Variants in SLCO5A1 observed in about 807,000 individuals in gnomAD.
The protein encoded by SLCO5A1 is organic anion transporter polypeptide-related protein 4.
In SLCO5A1, 39 loss-of-function variants were observed where a neutral mutation model predicts 65.1. That is an observed-to-expected ratio of 0.60 (90% confidence interval 0.46 to 0.78). The LOEUF is 0.78. Ranked by LOEUF, SLCO5A1 falls within the 30% of genes least tolerant of loss-of-function variation. The pLI is 0.00. For synonymous variants in SLCO5A1, 438 were observed against 415.7 expected, an observed-to-expected ratio of 1.05 and a Z score of -0.65; for missense variants, 1,029 against 1,069.4, an observed-to-expected ratio of 0.96 and a Z score of 0.53.
intron 5 of SLCO5A1, among the ~76,000 whole-genome samples, chr8:69,729,312 A>G (rs1474785559): frequency 1.3e-5 from 2 of 151,544 alleles, no homozygotes; most frequent in Admixed American, 1.3e-4. Context: ...GGCGAGGTGG[A>G]GGGCGCCTGT....
chr8:69,707,007 G>A (rs1012984506), intron 5 of SLCO5A1, among the ~76,000 whole-genome samples: 1 of 152,044 alleles, frequency 6.6e-6, no homozygotes, highest in Admixed American at 6.5e-5. Flanking sequence ...AATTAGCTAG[G>A]GGTGGTGGCG....
intron 2 of SLCO5A1, among the ~76,000 whole-genome samples, chr8:69,767,340 A>G (rs1431595564): frequency 6.6e-6 from 1 of 152,202 alleles, no homozygotes; most frequent in Non-Finnish European, 1.5e-5. Flanking sequence ...GAAACTCTGC[A>G]TCCTTGACAG....
chr8:69,764,426 C>T (rs1320481758), intron 2 of SLCO5A1, among the ~76,000 whole-genome samples: 3 of 152,134 alleles, frequency 2.0e-5, no homozygotes, highest in Non-Finnish European at 2.9e-5. Context: ...TAATTTAACA[C>T]CTGCTCTCAC....
intron 2 of SLCO5A1, among the ~76,000 whole-genome samples, chr8:69,819,838 T>C (rs1290623669): frequency 6.6e-6 from 1 of 152,116 alleles, no homozygotes; most frequent in African/African-American, 2.4e-5. Flanking sequence ...GGCAGGCACT[T>C]GTAGTCCCAG....
At chr8:69,834,355 GAA>G (rs1821323507) in intron 1 of SLCO5A1, 1 of 152,474 alleles carries the variant, frequency 6.6e-6, no homozygotes, top group African/African-American at 2.4e-5. Flanking sequence ...ATGCTGCTGA[GAA>G]AAGAAAGGAG....
intron 2 of SLCO5A1, among the ~76,000 whole-genome samples, chr8:69,764,430 C>T (rs149740278): frequency 0.018 from 2,752 of 152,264 alleles, 80 homozygotes; most frequent in African/African-American, 0.06. Flanking sequence ...TTAACACCTG[C>T]TCTCACTTTT....
chr8:69,769,843 A>C (rs1818238904), intron 2 of SLCO5A1, among the ~76,000 whole-genome samples: 1 of 152,122 alleles, frequency 6.6e-6, no homozygotes, highest in Non-Finnish European at 1.5e-5. Context: ...TGCTATAATT[A>C]TTTTAAATTA....
intron 2 of SLCO5A1, among the ~76,000 whole-genome samples, chr8:69,828,897 G>A (rs1821044796): frequency 6.6e-6 from 1 of 152,150 alleles, no homozygotes; most frequent in East Asian, 1.9e-4. Context: ...TCTCCCTTTC[G>A]ATAGGGTTCT....
At chr8:69,789,111 G>A (rs192650393) in intron 2 of SLCO5A1, among the ~76,000 whole-genome samples, 51 of 152,214 alleles carry the variant, frequency 3.4e-4, no homozygotes, top group African/African-American at 1.0e-3. Context: ...GAAACAGAAC[G>A]CATTCTCAAG....
At chr8:69,803,470 C>T (rs1050536290) in intron 2 of SLCO5A1, among the ~76,000 whole-genome samples, 1 of 151,910 alleles carries the variant, frequency 6.6e-6, no homozygotes, top group Non-Finnish European at 1.5e-5. Flanking sequence ...CCCAGCTACT[C>T]GAGAGGCTAA....
intron 6 of SLCO5A1, among the ~76,000 whole-genome samples, chr8:69,701,813 A>C (rs1814748574): frequency 6.6e-6 from 1 of 152,236 alleles, no homozygotes; most frequent in South Asian, 2.1e-4. Flanking sequence ...GGCCATAGTC[A>C]TTCATATTTG....
At chr8:69,784,436 G>T (rs1024527286) in intron 2 of SLCO5A1, among the ~76,000 whole-genome samples, 4 of 152,156 alleles carry the variant, frequency 2.6e-5, no homozygotes, top group Admixed American at 6.5e-5. Flanking sequence ...ATACATCGCT[G>T]GTGGGAATGC....
chr8:69,793,879 A>G (rs1176017995), intron 2 of SLCO5A1, among the ~76,000 whole-genome samples: 1 of 152,196 alleles, frequency 6.6e-6, no homozygotes, highest in Non-Finnish European at 1.5e-5. Context: ...GCTAAGATTT[A>G]TTGACTGCCT....
chr8:69,763,139 G>T (rs939239238), intron 2 of SLCO5A1, among the ~76,000 whole-genome samples: 1 of 148,262 alleles, frequency 6.7e-6, no homozygotes, highest in African/African-American at 2.5e-5. Context: ...GTGAAACCTC[G>T]TCTCTACTAA....
chr8:69,736,539 C>T (rs534192657), intron 5 of SLCO5A1, among the ~76,000 whole-genome samples: 1 of 152,224 alleles, frequency 6.6e-6, no homozygotes, highest in South Asian at 2.1e-4. Context: ...GTATGGCTTC[C>T]CTATGTGTAT....
At chr8:69,831,593 T>C (rs1821154029) in intron 2 of SLCO5A1, among the ~76,000 whole-genome samples, 174 bp downstream of exon 2, 1 of 152,218 alleles carries the variant, frequency 6.6e-6, no homozygotes, top group South Asian at 2.1e-4. Context: ...TCTCAACTAA[T>C]TGATTCTCTC....
At chr8:69,729,164 G>A (rs986784766) in intron 5 of SLCO5A1, among the ~76,000 whole-genome samples, 3 of 152,172 alleles carry the variant, frequency 2.0e-5, no homozygotes, top group Admixed American at 6.5e-5. Context: ...TGATAACTGC[G>A]CCCGGTGCAG....
chr8:69,732,826 T>C (rs1816394019), intron 5 of SLCO5A1, among the ~76,000 whole-genome samples: 5 of 151,926 alleles, frequency 3.3e-5, no homozygotes, highest in South Asian at 2.1e-4. Flanking sequence ...GAGGCAGAGG[T>C]TGCAGTGAGC....
At chr8:69,749,438 T>C (rs994145680) in intron 4 of SLCO5A1, among the ~76,000 whole-genome samples, 1 of 151,952 alleles carries the variant, frequency 6.6e-6, no homozygotes, top group African/African-American at 2.4e-5. Flanking sequence ...GCCAACATGG[T>C]GAAACCCCAT....
Sources: gnomAD v4.1 joint callset for allele counts (sites outside exome capture counted in the v4.1 genomes callset) on GRCh38, gnomAD v4.1.1 for gene constraint, MANE v1.5 for transcripts, NCBI Gene and HGNC (gene_info 2026-07-23, HGNC 2026-07-21) for gene names.